The following FRMPD4 variants were observed in gnomAD, a reference collection of about 807,000 sequenced individuals.
FRMPD4 encodes the protein FERM and PDZ domain containing 4.
In FRMPD4, 22 loss-of-function variants were observed where a neutral mutation model predicts 94.1. The ratio of observed to expected loss-of-function variants is 0.23; its 90% CI spans 0.17 to 0.33. FRMPD4 has a LOEUF of 0.33. Ranked by LOEUF, FRMPD4 falls within the 10% of genes least tolerant of loss-of-function variation. The pLI is 1.00. For missense variants in FRMPD4, 1,111 were observed against 1,339.9 expected, an observed-to-expected ratio of 0.83 and a Z score of 2.67; for synonymous variants, 631 against 548.6, an observed-to-expected ratio of 1.15 and a Z score of -2.10.
At position 12,175,338 on chromosome X, in the gene FRMPD4, T is replaced by C. The variant is rs182247690; in HGVS notation, c.41+36326T>C. Among the ~76,000 whole-genome samples, 5 of 111,692 alleles carry C rather than the reference T, an allele frequency of 4.5e-5. No individual in the cohort carries two copies. The East Asian group carries it at 1.1e-3, about 25-fold the overall frequency. On this transcript the variant is annotated intron_variant, in intron 1 of 16. Coordinates refer to ENST00000675598, the MANE Select transcript of FRMPD4 (RefSeq NM_001368397.1). ...GTGAACAGTGATCTCTCTGGACTTA[T>C]TTTGCCTCCTCTCAATTTCCAGTTC...
chrX:11,927,615 C>A (rs1423511675), intron 3 of FRMPD4, among the ~76,000 whole-genome samples: 1 of 111,952 alleles, frequency 8.9e-6, no homozygotes, highest in East Asian at 2.8e-4. Context: ...GCTATCTGAT[C>A]TTCGACAAAC....
At chrX:12,421,531 G>A (rs2056883119) in intron 1 of FRMPD4, among the ~76,000 whole-genome samples, 1 of 110,963 alleles carries the variant, frequency 9.0e-6, no homozygotes, top group South Asian at 3.9e-4. Flanking sequence ...GTCAAGGCAG[G>A]AGGATCGCTT....
chrX:11,946,610 C>T (rs1297313044), intron 3 of FRMPD4, among the ~76,000 whole-genome samples: 1 of 111,078 alleles, frequency 9.0e-6, no homozygotes, highest in African/African-American at 3.3e-5. Context: ...GCCTAGGTAG[C>T]TGGTGAAACA....
chrX:11,876,074 C>CTG (rs763085677), intron 2 of FRMPD4, among the ~76,000 whole-genome samples: 2 of 108,545 alleles, frequency 1.8e-5, no homozygotes, highest in Non-Finnish European at 3.8e-5. Context: ...CGGGGTTTCA[C>CTG]TGTGTTAGCC....
chrX:12,612,105 C>T (rs1293047057), intron 3 of FRMPD4, among the ~76,000 whole-genome samples: 1 of 111,487 alleles, frequency 9.0e-6, no homozygotes, highest in African/African-American at 3.3e-5. Flanking sequence ...TATATGCAGA[C>T]ACATTTTTTC....
At chrX:12,184,239 A>G (rs1346574807) in intron 1 of FRMPD4, among the ~76,000 whole-genome samples, 1 of 111,418 alleles carries the variant, frequency 9.0e-6, no homozygotes, top group East Asian at 2.8e-4. Flanking sequence ...AAAAATCCTG[A>G]ACGCCAAACA....
chrX:12,466,748 G>A (rs145808629), intron 1 of FRMPD4, among the ~76,000 whole-genome samples: 1,218 of 112,114 alleles, frequency 0.011, 11 homozygotes, highest in Non-Finnish European at 0.013. Flanking sequence ...ATGCTGAATG[G>A]AATACACAAT....
chrX:12,210,994 G>C (rs1195305580), intron 1 of FRMPD4, among the ~76,000 whole-genome samples: 1 of 112,234 alleles, frequency 8.9e-6, no homozygotes, highest in Non-Finnish European at 1.9e-5. Context: ...TCTCTGAAAG[G>C]TACTTTTGTT....
At chrX:12,334,484 T>G (rs539306713) in intron 1 of FRMPD4, among the ~76,000 whole-genome samples, 1 of 111,339 alleles carries the variant, frequency 9.0e-6, no homozygotes, top group East Asian at 2.8e-4. Flanking sequence ...ATTCTAAGTG[T>G]ATACTTTATG....
chrX:12,690,266 G>A lies in FRMPD4; in HGVS notation c.753G>A (p.Gln251=), dbSNP rs2147117857. The change falls in exon 8 of 17, where the codon CAG becomes CAA. Residue 251 remains glutamine (Q), a synonymous_variant. Transcript: ENST00000675598. ...GIEHFSLMLE[Q]RTEGAGTKLL... is the part of the protein sequence containing the mutation. ...AACACTTCTCTCTCATGCTGGAGCAGAGGACAGAAGGGGCTGGAACGAAGC... is the reference window on the plus strand; with the variant it reads ...AACACTTCTCTCTCATGCTGGAGCAAAGGACAGAAGGGGCTGGAACGAAGC... The A allele has an allele frequency of 8.3e-7, 1 of 1,204,603 alleles. No individual in the cohort carries two copies. Among genetic ancestry groups the A allele is most frequent in the African/African-American group, 1.7e-5 (1 of 57,187 alleles).
chrX:12,323,052 G>A (rs969622534), intron 1 of FRMPD4, among the ~76,000 whole-genome samples: 9 of 111,645 alleles, frequency 8.1e-5, no homozygotes, highest in African/African-American at 2.9e-4. Context: ...TTGCTATGTG[G>A]TATTTATTTC....
intron 3 of FRMPD4, among the ~76,000 whole-genome samples, chrX:11,889,723 TG>T (rs1408484350): frequency 1.8e-5 from 2 of 111,994 alleles, no homozygotes; most frequent in Non-Finnish European, 3.8e-5. Flanking sequence ...AGGGGTTTCT[TG>T]TGTAGCTACG....
chrX:12,704,280 C>A, intron 10 of FRMPD4, 79 bp from the exon 11 acceptor site: 3 of 772,482 alleles, frequency 3.9e-6, no homozygotes, highest in Non-Finnish European at 5.5e-6. Context: ...TTTGTTCCAA[C>A]AAACATCAGA....
chrX:12,130,674 C>T (rs1435416235), intron 3 of FRMPD4, among the ~76,000 whole-genome samples: 1 of 110,742 alleles, frequency 9.0e-6, no homozygotes, highest in African/African-American at 3.3e-5. Flanking sequence ...GTACATACAT[C>T]TTCCTTAAAG....
chrX:11,932,700 A>C (rs1459390619), intron 3 of FRMPD4, among the ~76,000 whole-genome samples: 3 of 110,145 alleles, frequency 2.7e-5, no homozygotes, highest in Non-Finnish European at 5.7e-5. Flanking sequence ...TAAAAAAAAA[A>C]AAAAGATTTG....
chrX:12,467,108 G>A lies in FRMPD4; in HGVS notation c.42-31572G>A, dbSNP rs191786598. ...ACTAATTATGCTCAGAAATACTAAG[G>A]CAGTTGTTGGAAATACCAGTGAACA... On this transcript the variant is annotated intron_variant, in intron 1 of 16. Transcript: ENST00000675598. Among the ~76,000 whole-genome samples, 6 of 108,896 alleles carry A rather than the reference G, an allele frequency of 5.5e-5. No homozygotes were observed. In the Admixed American group the frequency reaches 5.9e-4, roughly 11 times the overall value. The allele number at this position is 108,896 out of a possible 115,157, so 94.6% of individuals were successfully genotyped here.
At chrX:12,219,199 T>C (rs1377436667) in intron 1 of FRMPD4, among the ~76,000 whole-genome samples, 1 of 111,329 alleles carries the variant, frequency 9.0e-6, no homozygotes, top group Non-Finnish European at 1.9e-5. Flanking sequence ...CGAAATCTCG[T>C]CTCTACAAAA....
chrX:12,290,382 C>G (rs757967078), intron 1 of FRMPD4, among the ~76,000 whole-genome samples: 1 of 112,345 alleles, frequency 8.9e-6, no homozygotes, highest in South Asian at 3.7e-4. Flanking sequence ...ACTTCACAAG[C>G]CTTACCATTG....
chrX:11,984,417 A>C (rs2066650327), intron 3 of FRMPD4, among the ~76,000 whole-genome samples: 1 of 112,136 alleles, frequency 8.9e-6, no homozygotes, highest in Non-Finnish European at 1.9e-5. Context: ...GCCGTGTTTC[A>C]TTCTCCTGTT....
Sources: allele counts gnomAD v4.1 joint callset (sites outside exome capture counted in the v4.1 genomes callset), GRCh38; gene constraint gnomAD v4.1.1; transcripts MANE v1.5; gene names NCBI Gene and HGNC (gene_info 2026-07-23, HGNC 2026-07-21).